The following COP1 variants were observed in gnomAD, a reference collection of about 807,000 sequenced individuals.
COP1 encodes the protein E3 ubiquitin-protein ligase COP1.
Under a neutral mutation model 101.3 loss-of-function variants are expected in COP1, and 24 were observed. The ratio of observed to expected loss-of-function variants is 0.24; its 90% CI spans 0.17 to 0.33. The LOEUF (loss-of-function observed/expected upper bound fraction) is 0.33. Among genes scored for constraint, COP1 ranks in the 10% least tolerant of loss-of-function variants. The pLI is 1.00. For missense variants in COP1, 663 were observed against 906.2 expected, an observed-to-expected ratio of 0.73 and a Z score of 3.45; for synonymous variants, 347 against 341.9, an observed-to-expected ratio of 1.01 and a Z score of -0.17.
rs572249564 is a variant in COP1 at position 176,186,785 on chromosome 1, A to G, written c.408-2093T>C. Among the ~76,000 whole-genome samples the G allele has an allele frequency of 2.0e-5, 3 of 152,256 alleles. No homozygotes were observed. In the South Asian group the frequency reaches 6.2e-4, roughly 32 times the overall value. On this transcript the variant is annotated intron_variant, in intron 1 of 19. Transcript: ENST00000367669. Reference sequence around the variant, plus strand: ...GTGAGAAACAGTGTTGAAACGGACTAGGGTGGTAGTAGTTGGGTTGATGAG... The same window carrying G: ...GTGAGAAACAGTGTTGAAACGGACTGGGGTGGTAGTAGTTGGGTTGATGAG...
chr1:176,130,833 T>C (rs1688760751), intron 8 of COP1, among the ~76,000 whole-genome samples: 1 of 151,940 alleles, frequency 6.6e-6, no homozygotes, highest in South Asian at 2.1e-4. Flanking sequence ...ATGTATTTTT[T>C]CCAAAGTAAT....
chr1:176,086,651 G>GC (rs201138357), intron 9 of COP1, among the ~76,000 whole-genome samples: 6,305 of 152,206 alleles, frequency 0.041, 183 homozygotes, highest in Non-Finnish European at 0.058. Context: ...TCATGGATAG[G>GC]AAGAATCAAT....
intron 1 of COP1, among the ~76,000 whole-genome samples, chr1:176,188,341 A>G (rs190759459): frequency 1.6e-4 from 24 of 152,260 alleles, no homozygotes; most frequent in Non-Finnish European, 3.2e-4. Flanking sequence ...AAATCTCAGA[A>G]ACTACAGAAA....
chr1:175,955,766 C>CCACACA (rs60306255), intron 18 of COP1, among the ~76,000 whole-genome samples: 5,469 of 129,244 alleles, frequency 0.042, 281 homozygotes, highest in African/African-American at 0.12. Flanking sequence ...TAGAGACAAA[C>CCACACA]CACACACACA....
chr1:175,987,194 A>C, intron 17 of COP1, 91 bp from the exon 18 acceptor site: 1 of 655,622 alleles, frequency 1.5e-6, no homozygotes, highest in Non-Finnish European at 2.4e-6. Flanking sequence ...CCAAAGTTAT[A>C]GTTCAAAGAT....
At chr1:176,123,553 G>A (rs1239973762) in intron 8 of COP1, among the ~76,000 whole-genome samples, 1 of 152,046 alleles carries the variant, frequency 6.6e-6, no homozygotes, top group Non-Finnish European at 1.5e-5. Flanking sequence ...GCATATAAAT[G>A]GAATTAACAG....
chr1:176,119,975 C>G (rs957414994), intron 8 of COP1, among the ~76,000 whole-genome samples: 5 of 152,102 alleles, frequency 3.3e-5, no homozygotes, highest in African/African-American at 1.2e-4. Flanking sequence ...AGTCAAGTCC[C>G]AGAGTCCACA....
chr1:176,180,658 T>C (rs1188975747), intron 2 of COP1, among the ~76,000 whole-genome samples: 1 of 152,254 alleles, frequency 6.6e-6, no homozygotes, highest in African/African-American at 2.4e-5. Context: ...CTACTATGTA[T>C]ATACTTGCTA....
At chr1:175,997,019 C>A (rs1427375656) in intron 15 of COP1, among the ~76,000 whole-genome samples, 1 of 151,414 alleles carries the variant, frequency 6.6e-6, no homozygotes, top group Admixed American at 6.6e-5. Flanking sequence ...CTACAGTAAC[C>A]AAAACAGCAT....
intron 10 of COP1, among the ~76,000 whole-genome samples, chr1:176,083,177 G>C (rs923722599): frequency 2.6e-5 from 4 of 152,160 alleles, no homozygotes; most frequent in Non-Finnish European, 5.9e-5. Flanking sequence ...TCCTATTACT[G>C]TGAGTTATTT....
At chr1:176,156,683 A>C (rs957150531) in intron 5 of COP1, among the ~76,000 whole-genome samples, 5 of 152,186 alleles carry the variant, frequency 3.3e-5, no homozygotes, top group Admixed American at 1.3e-4. Flanking sequence ...CAGAACAATA[A>C]ATATTTCCAA....
At chr1:176,100,428 T>C (rs1011051981) in intron 9 of COP1, 1 of 151,560 alleles carries the variant, frequency 6.6e-6, no homozygotes, top group Non-Finnish European at 1.5e-5. Context: ...AGAGATAAAT[T>C]ATATTTCAAG....
intron 1 of COP1, among the ~76,000 whole-genome samples, chr1:176,186,986 A>G (rs1468659362): frequency 6.6e-6 from 1 of 152,182 alleles, no homozygotes; most frequent in Non-Finnish European, 1.5e-5. Flanking sequence ...AAAAAGAAAA[A>G]GCAGGGGTAC....
At chr1:175,984,463 A>G (rs1387189742) in intron 18 of COP1, among the ~76,000 whole-genome samples, 1 of 152,228 alleles carries the variant, frequency 6.6e-6, no homozygotes, top group Non-Finnish European at 1.5e-5. Flanking sequence ...TCCAGGCAGA[A>G]GTTTGCTGCA....
chr1:175,998,115 G>A (rs1407997787), intron 15 of COP1, among the ~76,000 whole-genome samples: 1 of 129,430 alleles, frequency 7.7e-6, no homozygotes, highest in African/African-American at 3.0e-5. Flanking sequence ...TATACACCAT[G>A]GAATACTATG....
At chr1:175,990,655 A>C (rs1359073054) in intron 15 of COP1, among the ~76,000 whole-genome samples, 1 of 152,088 alleles carries the variant, frequency 6.6e-6, no homozygotes, top group Non-Finnish European at 1.5e-5. Context: ...TATCTACAAA[A>C]AGTTTGTTTT....
chr1:176,022,144 T>G (rs1158630533), intron 15 of COP1, among the ~76,000 whole-genome samples: 1 of 152,208 alleles, frequency 6.6e-6, no homozygotes, highest in Non-Finnish European at 1.5e-5. Flanking sequence ...TATTGGGACT[T>G]GTAAAGTCTT....
At chr1:176,189,122 T>G (rs975605193) in intron 1 of COP1, among the ~76,000 whole-genome samples, 3 of 151,916 alleles carry the variant, frequency 2.0e-5, no homozygotes, top group Non-Finnish European at 4.4e-5. Flanking sequence ...AAAGAAAACC[T>G]TAAAGGCAGC....
At chr1:176,200,544 T>C (rs985331223) in intron 1 of COP1, among the ~76,000 whole-genome samples, 2 of 152,194 alleles carry the variant, frequency 1.3e-5, no homozygotes, top group Non-Finnish European at 1.5e-5. Flanking sequence ...GAAAGAAGGA[T>C]GGATTCCCAA....
Sources: gnomAD v4.1 joint callset for allele counts (sites outside exome capture counted in the v4.1 genomes callset) on GRCh38, gnomAD v4.1.1 for gene constraint, MANE v1.5 for transcripts, NCBI Gene and HGNC (gene_info 2026-07-23, HGNC 2026-07-21) for gene names.